The following CTIF variants were observed in gnomAD, a reference collection of about 807,000 sequenced individuals.
CTIF encodes cap binding complex dependent translation initiation factor, also known as CBP80/20-dependent translation initiation factor.
CTIF carries 21 observed loss-of-function variants against 66.0 expected under a neutral mutation model. That is an observed-to-expected ratio of 0.32 (90% CI 0.23 to 0.46). The LOEUF (loss-of-function observed/expected upper bound fraction) is 0.46, where lower values mean the gene tolerates loss of function less well. Among genes scored for constraint, CTIF ranks in the 20% least tolerant of loss-of-function variants. The probability of loss-of-function intolerance (pLI) is 1.00; values close to 1 mark genes in which losing one functional copy is unlikely to be tolerated. For missense variants in CTIF, 739 were observed against 812.7 expected, an observed-to-expected ratio of 0.91 and a Z score of 1.10; for synonymous variants, 345 against 326.4, an observed-to-expected ratio of 1.06 and a Z score of -0.62.
intron 9 of CTIF, among the ~76,000 whole-genome samples, chr18:48,804,835 C>G (rs2068112040): frequency 6.6e-6 from 1 of 152,108 alleles, no homozygotes; most frequent in African/African-American, 2.4e-5. Context: ...CACTGCCCAC[C>G]CAGCCTCAGT....
intron 7 of CTIF, among the ~76,000 whole-genome samples, chr18:48,722,705 C>T (rs963941890): frequency 1.3e-5 from 2 of 151,432 alleles, no homozygotes; most frequent in Admixed American, 6.6e-5. Flanking sequence ...TACCCATCAG[C>T]GCTCACAGGT....
At chr18:48,683,799 G>A (rs935749217) in intron 6 of CTIF, among the ~76,000 whole-genome samples, 4 of 152,168 alleles carry the variant, frequency 2.6e-5, no homozygotes, top group Admixed American at 1.3e-4. Flanking sequence ...CAGCCTGGCC[G>A]GGATCCAGGG....
chr18:48,597,910 G>C lies in CTIF; in HGVS notation c.-28-21628G>C, dbSNP rs62102934. 7.3e-3 allele frequency among the ~76,000 whole-genome samples: 1,113 copies of C among 152,350 alleles called. 5 individuals are homozygous for C. Among genetic ancestry groups the C allele is most frequent in the Non-Finnish European group, 0.013 (863 of 68,034 alleles). On this transcript the variant is annotated intron_variant, in intron 1 of 11. Coordinates refer to ENST00000256413, the MANE Select transcript of CTIF (RefSeq NM_014772.3). ...GTTCTCTTTTCCAGCCTGAGAACTT[G>C]GCTGTTTCAGATGAGGAGACCCAGT...
intron 6 of CTIF, among the ~76,000 whole-genome samples, chr18:48,675,367 G>A (rs1013325409): frequency 1.3e-5 from 2 of 152,184 alleles, no homozygotes; most frequent in South Asian, 4.1e-4. Flanking sequence ...GAGGACTGCT[G>A]GAGTGGAGGC....
At chr18:48,763,066 G>A (rs886556055) in intron 9 of CTIF, among the ~76,000 whole-genome samples, 2 of 152,236 alleles carry the variant, frequency 1.3e-5, no homozygotes, top group African/African-American at 2.4e-5. Context: ...CATGTTCCTC[G>A]CGGGCCGGAA....
At chr18:48,711,871 G>A (rs1419265171) in intron 7 of CTIF, among the ~76,000 whole-genome samples, 176 bp downstream of exon 7, 4 of 152,118 alleles carry the variant, frequency 2.6e-5, no homozygotes, top group African/African-American at 7.2e-5. Flanking sequence ...GCAGAGTGGC[G>A]GCTCCACTTC....
intron 7 of CTIF, among the ~76,000 whole-genome samples, chr18:48,730,963 T>C (rs2092452411): frequency 6.6e-6 from 1 of 152,026 alleles, no homozygotes; most frequent in African/African-American, 2.4e-5. Context: ...GGGGAAACTC[T>C]CCCAGCCCAG....
chr18:48,752,740 G>GC (rs1244752204), intron 7 of CTIF, among the ~76,000 whole-genome samples: 1 of 152,180 alleles, frequency 6.6e-6, no homozygotes, highest in Non-Finnish European at 1.5e-5. Flanking sequence ...GACAGACCTG[G>GC]CAAGGAGTGT....
chr18:48,724,710 G>A (rs572165005), intron 7 of CTIF, among the ~76,000 whole-genome samples: 97 of 152,316 alleles, frequency 6.4e-4, no homozygotes, highest in African/African-American at 9.1e-4. Context: ...AAGCAGGTGC[G>A]GCCACTGAGG....
chr18:48,575,731 G>A (rs922094575), intron 1 of CTIF, among the ~76,000 whole-genome samples: 3 of 152,244 alleles, frequency 2.0e-5, no homozygotes, highest in Non-Finnish European at 4.4e-5. Flanking sequence ...TGCCCCGGAT[G>A]CCTTTTGATG....
chr18:48,687,415 C>T (rs532156973), intron 6 of CTIF, among the ~76,000 whole-genome samples: 19 of 151,378 alleles, frequency 1.3e-4, no homozygotes, highest in South Asian at 4.2e-4. Flanking sequence ...TCTGAGGGGC[C>T]TGGGAAAATC....
intron 6 of CTIF, chr18:48,692,651 C>A (rs1878177244): frequency 6.6e-6 from 1 of 152,220 alleles, no homozygotes; most frequent in Non-Finnish European, 1.5e-5. Context: ...TGAACTTCTG[C>A]ATCTCCAGCC....
chr18:48,691,977 G>A (rs1318539730), intron 6 of CTIF, among the ~76,000 whole-genome samples: 4 of 152,184 alleles, frequency 2.6e-5, no homozygotes, highest in African/African-American at 7.2e-5. Context: ...TGTCTCCCGG[G>A]TTCAAGCAAT....
intron 1 of CTIF, among the ~76,000 whole-genome samples, chr18:48,591,205 G>A (rs555356409): frequency 7.9e-5 from 12 of 152,310 alleles, no homozygotes; most frequent in African/African-American, 2.4e-4. Flanking sequence ...GAGGCAGTCC[G>A]ATGGCCTCAC....
At chr18:48,749,047 T>C (rs566219652) in intron 7 of CTIF, among the ~76,000 whole-genome samples, 1 of 152,370 alleles carries the variant, frequency 6.6e-6, no homozygotes, top group African/African-American at 2.4e-5. Flanking sequence ...CACCTGGGAT[T>C]TTAAATAACT....
intron 10 of CTIF, among the ~76,000 whole-genome samples, chr18:48,839,373 G>A (rs911390146): frequency 6.6e-6 from 1 of 152,132 alleles, no homozygotes; most frequent in Non-Finnish European, 1.5e-5. Context: ...ACCCAGGTGA[G>A]AACAGTTCTT....
chr18:48,715,362 T>C (rs528651076), intron 7 of CTIF, among the ~76,000 whole-genome samples: 1 of 152,358 alleles, frequency 6.6e-6, no homozygotes, highest in South Asian at 2.1e-4. Flanking sequence ...AAAAGACATT[T>C]GCTGATTTCA....
At chr18:48,722,795 C>A (rs1427466987) in intron 7 of CTIF, among the ~76,000 whole-genome samples, 8 of 152,204 alleles carry the variant, frequency 5.3e-5, no homozygotes, top group Non-Finnish European at 1.0e-4. Flanking sequence ...GGTGTAAGCA[C>A]CCGGCCATAC....
intron 9 of CTIF, among the ~76,000 whole-genome samples, chr18:48,767,421 G>C (rs1183522256): frequency 6.6e-6 from 1 of 152,150 alleles, no homozygotes; most frequent in African/African-American, 2.4e-5. Flanking sequence ...TGCTGAGACA[G>C]GCTTGGGTAG....
Sources: gnomAD v4.1 joint callset for allele counts (sites outside exome capture counted in the v4.1 genomes callset) on GRCh38, gnomAD v4.1.1 for gene constraint, MANE v1.5 for transcripts, NCBI Gene and HGNC (gene_info 2026-07-23, HGNC 2026-07-21) for gene names.